SLC6A6: variants seen among roughly 807,000 people sequenced by gnomAD.
SLC6A6 encodes solute carrier family 6 member 6.
Under a neutral mutation model 68.8 loss-of-function variants are expected in SLC6A6, and 16 were observed. The observed-to-expected ratio is 0.23, with a 90% confidence interval of 0.16 to 0.35. The LOEUF is 0.35. Among genes scored for constraint, SLC6A6 ranks in the 10% least tolerant of loss-of-function variants. SLC6A6 has a pLI of 1.00. For missense variants in SLC6A6, 474 were observed against 802.8 expected, an observed-to-expected ratio of 0.59 and a Z score of 4.95; for synonymous variants, 312 against 315.4, an observed-to-expected ratio of 0.99 and a Z score of 0.12.
At chr3:14,422,860 T>A (rs918659171) in intron 2 of SLC6A6, among the ~76,000 whole-genome samples, 2 of 152,222 alleles carry the variant, frequency 1.3e-5, no homozygotes, top group Admixed American at 6.5e-5. Flanking sequence ...ATTTTCTGGG[T>A]TGAGTTTTCC....
chr3:14,443,488 G>T, intron 2 of SLC6A6, 136 bp from the exon 3 acceptor site: 3 of 632,222 alleles, frequency 4.7e-6, no homozygotes, highest in Non-Finnish European at 8.5e-6. Flanking sequence ...GCATTGGACA[G>T]ACAGGGATGC....
chr3:14,460,928 T>C (rs1574951977), intron 6 of SLC6A6, among the ~76,000 whole-genome samples: 1 of 152,152 alleles, frequency 6.6e-6, no homozygotes, highest in South Asian at 2.1e-4. Flanking sequence ...GTGGCTGACG[T>C]GGGGGCTGGG....
intron 2 of SLC6A6, among the ~76,000 whole-genome samples, chr3:14,422,347 G>A (rs904610360): frequency 1.3e-5 from 2 of 152,162 alleles, no homozygotes; most frequent in Non-Finnish European, 2.9e-5. Flanking sequence ...CTAACCCTCT[G>A]TGTGACCTCT....
At chr3:14,442,414 T>A (rs1057184806) in intron 2 of SLC6A6, among the ~76,000 whole-genome samples, 3 of 152,204 alleles carry the variant, frequency 2.0e-5, no homozygotes, top group Non-Finnish European at 4.4e-5. Context: ...TCCCAGCTCA[T>A]CCGTTTTCTG....
chr3:14,459,060 G>A (rs1700434877), intron 6 of SLC6A6, among the ~76,000 whole-genome samples: 2 of 152,316 alleles, frequency 1.3e-5, no homozygotes, highest in Non-Finnish European at 1.5e-5. Flanking sequence ...AGGCTGGTGC[G>A]GGGGTATGTT....
rs75564423 is a variant in SLC6A6 at position 14,408,867 on chromosome 3, C to T, written c.-54+6020C>T. Among the ~76,000 whole-genome samples, 1,410 of 151,874 alleles carry T rather than the reference C, an allele frequency of 9.3e-3. 21 individuals carry two copies. The highest frequency in any genetic ancestry group is 0.035 in the East Asian group (179 of 5,156). ...TGTCGCCCAGGCTGGAGTGCAGTGG[C>T]GTGATCTCAGCTCACTGCAAGCTCC... On this transcript the variant is annotated intron_variant, in intron 1 of 14. Transcript: ENST00000622186.
intron 7 of SLC6A6, 97 bp downstream of exon 7, chr3:14,466,747 C>T (rs1388806868): frequency 2.1e-5 from 26 of 1,216,288 alleles, no homozygotes; most frequent in South Asian, 3.4e-5. Context: ...GCACATCTTC[C>T]GTGGTTCTTC....
In SLC6A6 at chr3:14,489,051, A is replaced by G. The variant is rs1489921984; in HGVS notation, c.*4044A>G. 2.0e-5 allele frequency: 3 copies of G among 152,540 alleles called. No homozygotes were observed. Among genetic ancestry groups the G allele is most frequent in the Non-Finnish European group, 4.4e-5 (3 of 68,018 alleles). The allele number at this position is 152,540 out of a possible 1,614,324, so 9.4% of individuals were successfully genotyped here. A position where few individuals can be genotyped will look rare whatever the true frequency, so the allele number is the denominator to read the frequency against. ...ATCAGGACATTTTTTTAAAACTTCAAAATATTTTTAAGATATTTTAAACTT... is the reference window on the plus strand; with the variant it reads ...ATCAGGACATTTTTTTAAAACTTCAGAATATTTTTAAGATATTTTAAACTT... On this transcript the variant is annotated 3_prime_UTR_variant, in exon 15 of 15. Transcript: ENST00000622186.
chr3:14,407,012 G>C (rs191338875), intron 1 of SLC6A6, among the ~76,000 whole-genome samples: 355 of 151,590 alleles, frequency 2.3e-3, no homozygotes, highest in Non-Finnish European at 4.0e-3. Context: ...GAACCTCCAG[G>C]GGGATGGAGC....
chr3:14,407,741 A>C (rs1314437498), intron 1 of SLC6A6, among the ~76,000 whole-genome samples: 1 of 152,114 alleles, frequency 6.6e-6, no homozygotes, highest in African/African-American at 2.4e-5. Context: ...ACTAGGCTTA[A>C]ACGATCCACC....
chr3:14,454,714 C>CA (rs1441042003), intron 5 of SLC6A6, among the ~76,000 whole-genome samples: 1 of 152,190 alleles, frequency 6.6e-6, no homozygotes, highest in African/African-American at 2.4e-5. Flanking sequence ...GATATGTGCA[C>CA]ATTAAAAACA....
At chr3:14,409,535 C>A in intron 1 of SLC6A6, among the ~76,000 whole-genome samples, 1 of 152,266 alleles carries the variant, frequency 6.6e-6, no homozygotes, top group East Asian at 1.9e-4. Flanking sequence ...TGCCTCAGCC[C>A]ATCCTCGTCC....
At chr3:14,425,217 C>T (rs188340938) in intron 2 of SLC6A6, among the ~76,000 whole-genome samples, 1 of 152,282 alleles carries the variant, frequency 6.6e-6, no homozygotes, top group East Asian at 1.9e-4. Flanking sequence ...GCAACTGAGC[C>T]CCCCAGGGGG....
At chr3:14,461,423 G>A (rs528835569) in intron 6 of SLC6A6, among the ~76,000 whole-genome samples, 15 of 152,248 alleles carry the variant, frequency 9.9e-5, no homozygotes, top group Non-Finnish European at 1.6e-4. Context: ...GCCCACCCCC[G>A]TGCCAGCCTG....
chr3:14,444,915 C>A, intron 3 of SLC6A6: 2 of 448,428 alleles, frequency 4.5e-6, no homozygotes, highest in South Asian at 3.1e-5. Context: ...TCCCCTTGGT[C>A]CCGCCCCCAC....
At chr3:14,476,527 T>C (rs2124993287) in intron 10 of SLC6A6, among the ~76,000 whole-genome samples, 1 of 152,324 alleles carries the variant, frequency 6.6e-6, no homozygotes, top group South Asian at 2.1e-4. Flanking sequence ...ACACAGCGTG[T>C]GTGCGCACAT....
intron 6 of SLC6A6, among the ~76,000 whole-genome samples, chr3:14,464,150 G>T (rs750767169): frequency 6.6e-6 from 1 of 152,190 alleles, no homozygotes; most frequent in African/African-American, 2.4e-5. Context: ...AGTCTAGAGC[G>T]GACAGCGGCT....
Position 14,447,428 on chromosome 3 carries a change from C to T in SLC6A6, c.365-154C>T, listed in dbSNP as rs549948580. ...TTGTTTCACCTTTCCATTCAACCAG[C>T]CATCCATTCACCCTATAAATATTTG... On this transcript the variant is annotated intron_variant, in intron 4 of 14. Coordinates refer to ENST00000622186, the MANE Select transcript of SLC6A6 (RefSeq NM_003043.6). Among the ~76,000 whole-genome samples the T allele has an allele frequency of 5.9e-5, 9 of 152,366 alleles. 1 individual carries two copies. In the South Asian group the frequency reaches 1.9e-3, roughly 32 times the overall value.
At chr3:14,464,555 C>A (rs1700573022) in intron 6 of SLC6A6, among the ~76,000 whole-genome samples, 2 of 152,154 alleles carry the variant, frequency 1.3e-5, no homozygotes, top group South Asian at 4.2e-4. Flanking sequence ...CTGAAAGCTT[C>A]CTTTTTGCCC....
Sources: allele counts gnomAD v4.1 joint callset (sites outside exome capture counted in the v4.1 genomes callset), GRCh38; gene constraint gnomAD v4.1.1; transcripts MANE v1.5; gene names NCBI Gene and HGNC (gene_info 2026-07-23, HGNC 2026-07-21).